Variants in HIVEP1 observed in about 807,000 individuals in gnomAD.
HIVEP1 encodes zinc finger protein 40.
Under a neutral mutation model 180.0 loss-of-function variants are expected in HIVEP1, and 36 were observed. The ratio of observed to expected loss-of-function variants is 0.20; its 90% CI spans 0.15 to 0.26. The LOEUF is 0.26. HIVEP1 is among the 10% of genes least tolerant of loss of function. The probability of loss-of-function intolerance (pLI) is 1.00; values close to 1 mark genes in which losing one functional copy is unlikely to be tolerated. For synonymous variants in HIVEP1, 1,239 were observed against 1,239.0 expected (o/e 1.00, Z 0.00); for missense variants, 3,143 against 3,268.7 (o/e 0.96, Z 0.94).
At chr6:12,070,057 A>G (rs1177788789) in intron 2 of HIVEP1, among the ~76,000 whole-genome samples, 39 of 152,158 alleles carry the variant, frequency 2.6e-4, no homozygotes, top group Admixed American at 2.6e-3. Context: ...GAAGGTCTTC[A>G]GGGGCAGTGA....
Position 12,124,952 on chromosome 6 carries a change from A to G in HIVEP1, c.5157A>G (p.Leu1719=), listed in dbSNP as rs1174776856. 2.5e-6 allele frequency: 4 copies of G among 1,614,038 alleles called. No individual in the cohort carries two copies. In the African/African-American group the frequency reaches 4.0e-5, roughly 16 times the overall value. The part of the protein sequence containing the change: ...VFSEMSQNSS[L]SESLPITQKI... ...CAGAGATGAGCCAAAATTCTTCTCT[A>G]TCAGAATCCTTGCCCATAACTCAGA... Residue 1719 remains leucine, a synonymous_variant, in exon 4 of 9, where the codon CTA becomes CTG. Transcript: ENST00000379388.
intron 2 of HIVEP1, among the ~76,000 whole-genome samples, chr6:12,057,028 A>G (rs934976829): frequency 2.6e-5 from 4 of 151,948 alleles, no homozygotes; most frequent in Admixed American, 2.6e-4. Flanking sequence ...TTTGGTAGAG[A>G]TGGTGTTTCA....
intron 2 of HIVEP1, among the ~76,000 whole-genome samples, chr6:12,068,555 G>A (rs1049937237): frequency 6.6e-6 from 1 of 152,138 alleles, no homozygotes; most frequent in African/African-American, 2.4e-5. Flanking sequence ...TGGAAGTATG[G>A]AATAATGTAT....
At chr6:12,201,495 C>CAAAACA in the HIVEP1 span, among the ~76,000 whole-genome samples, 3 of 151,340 alleles carry the variant, frequency 2.0e-5, no homozygotes, top group Admixed American at 2.0e-4. Flanking sequence ...AACAAACAAA[C>CAAAACA]AAACAAAACA....
At chr6:12,036,769 G>A (rs555342495) in intron 2 of HIVEP1, among the ~76,000 whole-genome samples, 30 of 152,350 alleles carry the variant, frequency 2.0e-4, no homozygotes, top group Non-Finnish European at 3.5e-4. Flanking sequence ...CTGGGTGTGC[G>A]TGGTGGCGCA....
downstream of HIVEP1, among the ~76,000 whole-genome samples, chr6:12,165,814 C>A (rs1191658109): frequency 6.6e-6 from 1 of 152,158 alleles, no homozygotes; most frequent in African/African-American, 2.4e-5. Flanking sequence ...TAGGGGACAG[C>A]CTATCTACTA....
rs997589568 is a variant in HIVEP1, at chr6:12,128,393, C to T, written c.6076-1366C>T. Among the ~76,000 whole-genome samples, 4 of 152,292 alleles carry T rather than the reference C, an allele frequency of 2.6e-5. No homozygotes were observed. The East Asian group carries it at 7.7e-4, about 29-fold the overall frequency. On this transcript the variant is annotated intron_variant, in intron 4 of 8. Transcript: ENST00000379388. The stretch of plus-strand genomic sequence containing the variant: ...ATTCTGAGGCCACACATACCCCTCT[C>T]CATAATGAACAGACTCTTATCTCTT...
At chr6:12,136,596 A>T (rs770395869) in intron 7 of HIVEP1, among the ~76,000 whole-genome samples, 2 of 152,238 alleles carry the variant, frequency 1.3e-5, no homozygotes, top group African/African-American at 2.4e-5. Context: ...TGTCATGAGC[A>T]GAGCCAGTGA....
chr6:12,136,623 C>T (rs1470042792), intron 7 of HIVEP1, among the ~76,000 whole-genome samples: 1 of 152,226 alleles, frequency 6.6e-6, no homozygotes, highest in Non-Finnish European at 1.5e-5. Context: ...AACGTGTGCT[C>T]ACCAGAAGCA....
chr6:12,122,632 T>C lies in HIVEP1; in HGVS notation c.2837T>C (p.Ile946Thr), dbSNP rs188803992. The change falls in exon 4 of 9, where the codon ATA (isoleucine) becomes ACA (threonine). Residue 946 changes from isoleucine to threonine, a missense_variant. Physicochemically the swap from Ile to Thr is moderately conservative, Grantham distance 89 (BLOSUM62 -1). Around this residue, in one of 12 missense-constraint regions of HIVEP1, gnomAD observed 204 missense variants for 243.7 expected, o/e 0.84. Coordinates refer to ENST00000379388, the MANE Select transcript of HIVEP1 (RefSeq NM_002114.4). Reference protein sequence around the residue: ...RSKALAQGPHIEKKKSHQGRG... With the variant: ...RSKALAQGPHTEKKKSHQGRG... ...AAGGCACTGGCACAAGGCCCACATA[T>C]AGAAAAAAAGAAGTCTCATCAAGGG... 16 of 1,613,598 alleles carry C rather than the reference T, an allele frequency of 9.9e-6. No individual in the cohort carries two copies. In the South Asian group the frequency reaches 1.3e-4, roughly 13 times the overall value.
At chr6:12,025,551 CA>C (rs1768523630) in intron 2 of HIVEP1, among the ~76,000 whole-genome samples, 1 of 152,134 alleles carries the variant, frequency 6.6e-6, no homozygotes, top group South Asian at 2.1e-4. Context: ...CTCCGCCTAA[CA>C]GTTGAAATTT....
intron 3 of HIVEP1, among the ~76,000 whole-genome samples, chr6:12,111,606 A>C (rs1028083375): frequency 2.6e-5 from 4 of 152,346 alleles, no homozygotes; most frequent in East Asian, 3.9e-4. Context: ...AGAGGCTACC[A>C]TGTTCTTTGG....
the HIVEP1 span, among the ~76,000 whole-genome samples, chr6:12,184,007 A>G: frequency 1.7e-4 from 25 of 144,504 alleles, no homozygotes; most frequent in African/African-American, 6.4e-4. Flanking sequence ...ATAGATAGAT[A>G]GATAGATAGA....
intron 2 of HIVEP1, among the ~76,000 whole-genome samples, chr6:12,040,550 T>C (rs897598352): frequency 3.9e-5 from 6 of 152,174 alleles, no homozygotes; most frequent in East Asian, 1.9e-4. Context: ...ATATATTCAA[T>C]ATATTAATTG....
intron 3 of HIVEP1, among the ~76,000 whole-genome samples, chr6:12,116,015 A>C (rs1486504657): frequency 6.6e-6 from 1 of 151,970 alleles, no homozygotes; most frequent in African/African-American, 2.4e-5. Flanking sequence ...ATGGAAAAGC[A>C]CAAGTGCTAA....
chr6:12,011,465 C>T (rs1295404643), upstream of HIVEP1, among the ~76,000 whole-genome samples: 7 of 151,310 alleles, frequency 4.6e-5, no homozygotes, highest in Admixed American at 3.3e-4. Context: ...GCCAGGCCTT[C>T]CCGGGGCCGC....
chr6:12,074,773 G>C (rs1448795547), intron 2 of HIVEP1, among the ~76,000 whole-genome samples: 1 of 151,818 alleles, frequency 6.6e-6, no homozygotes, highest in Non-Finnish European at 1.5e-5. Flanking sequence ...AATAGAAAAA[G>C]TGATGGATCA....
Position 12,123,799 on chromosome 6 carries a change from A to G in HIVEP1, c.4004A>G (p.Lys1335Arg), listed in dbSNP as rs754793677. The change falls in exon 4 of 9, where the codon AAA becomes AGA. Residue 1335 changes from lysine (K) to arginine (R), a missense_variant. Around this residue, in one of 12 missense-constraint regions of HIVEP1, gnomAD observed 1,357 missense variants for 1,260.5 expected, o/e 1.08. Transcript: ENST00000379388. ...GTTTCTAAAACGGAGGCTTCCCCCA[A>G]AATCGATTTTCTAAATAAAGCCGAG... ...EDVSKTEASP[K>R]IDFLNKAEFL... 1.9e-6 allele frequency: 3 copies of G among 1,614,138 alleles called. No homozygotes were observed. The highest frequency in any genetic ancestry group is 2.2e-5 in the South Asian group (2 of 91,074).
chr6:12,168,203 C>CAT (rs374732967), downstream of HIVEP1, among the ~76,000 whole-genome samples: 26,587 of 99,016 alleles, frequency 0.27, 5,915 homozygotes, highest in Non-Finnish European at 0.32. Context: ...TGTATATATA[C>CAT]ATATATACAT....
Sources: gnomAD v4.1 joint callset for allele counts (sites outside exome capture counted in the v4.1 genomes callset) on GRCh38, gnomAD v4.1.1 for gene constraint, gnomAD v4.1.1 regional missense constraint, MANE v1.5 for transcripts, NCBI Gene and HGNC (gene_info 2026-07-23, HGNC 2026-07-21) for gene names.